KCNQ1: variants seen among roughly 807,000 people sequenced by gnomAD.
KCNQ1 encodes potassium voltage-gated channel subfamily Q member 1.
In KCNQ1, 49 loss-of-function variants were observed where a neutral mutation model predicts 72.4. The observed-to-expected ratio is 0.68, with a 90% CI of 0.54 to 0.86. KCNQ1 has a LOEUF of 0.86. Among genes scored for constraint, KCNQ1 ranks in the 40% least tolerant of loss-of-function variants. The pLI is 0.00. For synonymous variants in KCNQ1, 450 were observed against 412.6 expected (o/e 1.09, Z -1.10); for missense variants, 790 against 945.1 (o/e 0.84, Z 2.15).
intron 11 of KCNQ1, among the ~76,000 whole-genome samples, chr11:2,733,280 C>T (rs866632493): frequency 6.7e-6 from 1 of 149,896 alleles, no homozygotes; most frequent in South Asian, 2.1e-4. Flanking sequence ...GGGGCATCCT[C>T]CATCAGCACT....
intron 2 of KCNQ1, among the ~76,000 whole-genome samples, chr11:2,557,533 C>T (rs1031779378): frequency 2.2e-4 from 33 of 152,218 alleles, no homozygotes; most frequent in African/African-American, 3.6e-4. Flanking sequence ...CTTCAAAATA[C>T]GCATCACGCC....
In KCNQ1 at chr11:2,477,247, C is replaced by T. The variant is rs769987796; in HGVS notation, c.386+31763C>T. 1.3e-5 allele frequency among the ~76,000 whole-genome samples: 2 copies of T among 152,154 alleles called. No individual in the cohort carries two copies. The highest frequency in any genetic ancestry group is 1.5e-5 in the Non-Finnish European group (1 of 68,032). On this transcript the variant is annotated intron_variant, in intron 1 of 15. Transcript: ENST00000155840. The surrounding 1 kb of genome is among the most constrained non-coding windows in gnomAD (Gnocchi z 5.0). Reference sequence around the variant, plus strand: ...AGTGTTCAAGGCAGGATGGAGATACCGTATGGGCATTCACTGGACAGTGTT... The same window carrying T: ...AGTGTTCAAGGCAGGATGGAGATACTGTATGGGCATTCACTGGACAGTGTT...
rs941720524 is a variant in KCNQ1 at position 2,494,274 on chromosome 11, A to G, written c.387-33654A>G. Among the ~76,000 whole-genome samples the G allele has an allele frequency of 3.9e-5, 6 of 152,192 alleles. No individual in the cohort carries two copies. The highest frequency in any genetic ancestry group is 1.4e-4 in the African/African-American group (6 of 41,450). ...TGAGACAATGGGGTTTTCTAAATAT[A>G]CAATCATGTCATCTGCAAACAGAGA... is the stretch of plus-strand genomic sequence containing the variant. On this transcript the variant is annotated intron_variant, in intron 1 of 15. Coordinates refer to ENST00000155840, the MANE Select transcript of KCNQ1 (RefSeq NM_000218.3). This position sits in a 1 kb window ranked among gnomAD's most constrained non-coding sequence, Gnocchi z 4.6.
intron 4 of KCNQ1, 112 bp downstream of exon 4, chr11:2,571,515 GTGCCCAC>G: frequency 2.3e-6 from 2 of 863,994 alleles, no homozygotes; most frequent in Non-Finnish European, 3.8e-6. Flanking sequence ...AGGTGCCTTG[GTGCCCAC>G]TGCCCCCGGG....
chr11:2,490,860 T>C (rs1433908164), intron 1 of KCNQ1, among the ~76,000 whole-genome samples: 2 of 151,950 alleles, frequency 1.3e-5, no homozygotes, highest in Admixed American at 6.6e-5. Flanking sequence ...GGCTAATTTT[T>C]GTTTGTTTGT....
At position 2,550,299 on chromosome 11, in the gene KCNQ1, T is replaced by G. The variant is rs2133692527; in HGVS notation, c.478-20329T>G. The stretch of plus-strand genomic sequence containing the variant: ...AGTTGCAGAGCCGTGGCGCGGCGCC[T>G]GGATTTCCGACACACTGCAGCATCT... On this transcript the variant is annotated intron_variant, in intron 2 of 15. Transcript: ENST00000155840. This position sits in a 1 kb window ranked among gnomAD's most constrained non-coding sequence, Gnocchi z 6.0. 6.6e-6 allele frequency among the ~76,000 whole-genome samples: 1 copy of G among 152,330 alleles called. No individual in the cohort carries two copies. Among genetic ancestry groups the G allele is most frequent in the South Asian group, 2.1e-4 (1 of 4,830 alleles).
chr11:2,817,768 A>C lies in KCNQ1; in HGVS notation c.1795-29999A>C, dbSNP rs1307238910. Among the ~76,000 whole-genome samples, 2 of 152,022 alleles carry C rather than the reference A, an allele frequency of 1.3e-5. No individual in the cohort carries two copies. The highest frequency in any genetic ancestry group is 3.9e-4 in the East Asian group (2 of 5,166). ...CTCCATGGCAAAGGTGATACATTAG[A>C]CTCAAAGAGACATGATATCCCCTTG... On this transcript the variant is annotated intron_variant, in intron 15 of 15. Transcript: ENST00000155840. The surrounding 1 kb of genome is among the most constrained non-coding windows in gnomAD (Gnocchi z 6.1).
rs767929610 is a variant in KCNQ1, at chr11:2,598,609, T to TAAA, written c.1393+9765_1393+9767dup. Among the ~76,000 whole-genome samples, 2 of 143,578 alleles carry TAAA rather than the reference T, an allele frequency of 1.4e-5. No homozygotes were observed. The allele number at this position is 143,578 out of a possible 152,430, so 94.2% of individuals were successfully genotyped here. On this transcript the variant is annotated intron_variant, in intron 10 of 15. Coordinates refer to ENST00000155840, the MANE Select transcript of KCNQ1 (RefSeq NM_000218.3). This position sits in a 1 kb window ranked among gnomAD's most constrained non-coding sequence, Gnocchi z 6.2. ...CATTTAGGTCTGCTCTGCCCTTAGT[T>TAAA]AAAAAAAAAAAACCCTAATACATCT...
At chr11:2,461,946 G>C (rs897739265) in intron 1 of KCNQ1, 1 of 386,496 alleles carries the variant, frequency 2.6e-6, no homozygotes, top group African/African-American at 2.1e-5. Context: ...GCTGTCTGCT[G>C]TCCTGGGGGA....
intron 15 of KCNQ1, among the ~76,000 whole-genome samples, chr11:2,841,782 G>A (rs1848218065): frequency 6.6e-6 from 1 of 152,208 alleles, no homozygotes; most frequent in Non-Finnish European, 1.5e-5. Context: ...TGGCGCCCCT[G>A]AGGCCCTTGG....
In KCNQ1 at chr11:2,663,204, G is replaced by C. The variant is rs1950288955; in HGVS notation, c.1514+1123G>C. 2.5e-6 allele frequency: 1 copy of C among 398,768 alleles called. No individual in the cohort carries two copies. 24.7% of individuals were successfully genotyped at this position (398,768 alleles called of 1,614,324 possible). A position where few individuals can be genotyped will look rare whatever the true frequency, so the allele number is the denominator to read the frequency against. ...GTTGGCAGTACCTCATGGTGGGTAG[G>C]GTGTGAAGAGGCTCCAAGGGAGCCA... is the stretch of plus-strand genomic sequence containing the variant. On this transcript the variant is annotated intron_variant, in intron 11 of 15. Transcript: ENST00000155840. This position sits in a 1 kb window ranked among gnomAD's most constrained non-coding sequence, Gnocchi z 5.2.
intron 1 of KCNQ1, among the ~76,000 whole-genome samples, chr11:2,499,057 G>A (rs973409218): frequency 6.6e-6 from 1 of 152,158 alleles, no homozygotes; most frequent in Non-Finnish European, 1.5e-5. Flanking sequence ...TGCACCCACT[G>A]CCTAATCAGT....
chr11:2,709,420 T>C (rs1318599), intron 11 of KCNQ1, among the ~76,000 whole-genome samples: 18,861 of 105,674 alleles, frequency 0.18, 1,260 homozygotes, highest in East Asian at 0.43. Flanking sequence ...CCTGCAGGGC[T>C]GTTTTTTTTT....
chr11:2,810,597 CT>C (rs1402706574), intron 15 of KCNQ1, among the ~76,000 whole-genome samples: 1 of 152,228 alleles, frequency 6.6e-6, no homozygotes, highest in African/African-American at 2.4e-5. Flanking sequence ...ACGACAGCTC[CT>C]AGGATCTTTC....
At chr11:2,540,895 T>C (rs1847812093) in intron 2 of KCNQ1, among the ~76,000 whole-genome samples, 2 of 152,176 alleles carry the variant, frequency 1.3e-5, no homozygotes, top group Non-Finnish European at 2.9e-5. Flanking sequence ...GACTTGGTCA[T>C]GGTCAAGGTA....
Position 2,716,460 on chromosome 11 carries a change from G to T in KCNQ1, c.1515-52384G>T, listed in dbSNP as rs563317989. 3.9e-5 allele frequency among the ~76,000 whole-genome samples: 6 copies of T among 152,244 alleles called. No homozygotes were observed. The East Asian group carries it at 1.2e-3, about 30-fold the overall frequency. On this transcript the variant is annotated intron_variant, in intron 11 of 15. Coordinates refer to ENST00000155840, the MANE Select transcript of KCNQ1 (RefSeq NM_000218.3). ...AGCTAGGCTCTCGAGGAATGGCTGG[G>T]TGTCCTTTCTCAGCAGAAAAGCCTT...
At chr11:2,445,784 A>G (rs903016226) in intron 1 of KCNQ1, among the ~76,000 whole-genome samples, 16 of 152,042 alleles carry the variant, frequency 1.1e-4, no homozygotes, top group African/African-American at 3.6e-4. Flanking sequence ...CCAGGTGTGA[A>G]TCCTTCTGGG....
chr11:2,762,798 T>C lies in KCNQ1; in HGVS notation c.1515-6046T>C, dbSNP rs1269196252. ...CTGGAACAGTTTCATCCTGAAACCA[T>C]CTCCCCCCACCCCACCCCGTCCACG... On this transcript the variant is annotated intron_variant, in intron 11 of 15. Transcript: ENST00000155840. The surrounding 1 kb of genome is among the most constrained non-coding windows in gnomAD (Gnocchi z 4.3). Among the ~76,000 whole-genome samples the C allele has an allele frequency of 2.0e-5, 3 of 152,082 alleles. No individual in the cohort carries two copies. The highest frequency in any genetic ancestry group is 4.4e-5 in the Non-Finnish European group (3 of 68,014).
At position 2,678,651 on chromosome 11, in the gene KCNQ1, C is replaced by T. The variant is rs1850335270; in HGVS notation, c.1514+16570C>T. The T allele has an allele frequency of 2.5e-6, 1 of 398,400 alleles. No individual in the cohort carries two copies. The highest frequency in any genetic ancestry group is 2.1e-5 in the African/African-American group (1 of 48,578). 24.7% of individuals were successfully genotyped at this position (398,400 alleles called of 1,614,324 possible). The stretch of plus-strand genomic sequence containing the variant: ...GCCAATAATGGGAAGCTCATTTTCA[C>T]AAATGCAGTCAACCAGGGGAATTCA... On this transcript the variant is annotated intron_variant, in intron 11 of 15. Coordinates refer to ENST00000155840, the MANE Select transcript of KCNQ1 (RefSeq NM_000218.3). The surrounding 1 kb of genome is among the most constrained non-coding windows in gnomAD (Gnocchi z 4.9).
Sources: allele counts gnomAD v4.1 joint callset (sites outside exome capture counted in the v4.1 genomes callset), GRCh38; gene constraint gnomAD v4.1.1; non-coding constraint Gnocchi (gnomAD v3.1); transcripts MANE v1.5; gene names NCBI Gene and HGNC (gene_info 2026-07-23, HGNC 2026-07-21).